Variants in LMTK3 observed in about 807,000 individuals in gnomAD.
LMTK3 encodes the protein lemur tail kinase 3, also known as serine/threonine-protein kinase LMTK3.
A neutral mutation model predicts 116.7 loss-of-function variants in LMTK3; 27 were observed. That is an observed-to-expected ratio of 0.23 (90% CI 0.17 to 0.32). The LOEUF is 0.32. LMTK3 is among the 10% of genes least tolerant of loss of function. The pLI, the probability that LMTK3 is intolerant of heterozygous loss-of-function variation, is 1.00. For missense variants in LMTK3, 1,764 were observed against 2,068.5 expected (o/e 0.85, Z 2.86); for synonymous variants, 965 against 971.0 (o/e 0.99, Z 0.11).
At position 48,500,004 on chromosome 19, in the gene LMTK3, G is replaced by A; in HGVS notation, c.1152-87C>T. 7.5e-7 allele frequency: 1 copy of A among 1,334,924 alleles called. No individual in the cohort carries two copies. The highest frequency in any genetic ancestry group is 1.0e-6 in the Non-Finnish European group (1 of 990,826). 82.7% of individuals were successfully genotyped at this position (1,334,924 alleles called of 1,614,324 possible). Reference sequence around the variant, plus strand: ...GAGGGGACAGACAACCAGAGAGAGGGGGACAGAGACCCAGAGGGTAACAGA... The same window carrying A: ...GAGGGGACAGACAACCAGAGAGAGGAGGACAGAGACCCAGAGGGTAACAGA... On this transcript the variant is annotated intron_variant, in intron 10 of 14. Transcript: ENST00000600059. The surrounding 1 kb of genome is among the most constrained non-coding windows in gnomAD (Gnocchi z 4.0).
In LMTK3 at chr19:48,497,367, C is replaced by CT; in HGVS notation, c.3676+25dup. 1 of 1,451,750 alleles carries CT rather than the reference C, an allele frequency of 6.9e-7. No individual in the cohort carries two copies. The highest frequency in any genetic ancestry group is 1.8e-4 in the Middle Eastern group (1 of 5,414). 89.9% of individuals were successfully genotyped at this position (1,451,750 alleles called of 1,614,324 possible). Reference sequence around the variant, plus strand: ...CCTCGGAAACAGCCGGACCTCAGCCCTGACTGTGCCCCGCAGCCTCCTCAC... The same window carrying CT: ...CCTCGGAAACAGCCGGACCTCAGCCCTTGACTGTGCCCCGCAGCCTCCTCAC... On this transcript the variant is annotated intron_variant, in intron 11 of 14. Transcript: ENST00000600059. This position sits in a 1 kb window ranked among gnomAD's most constrained non-coding sequence, Gnocchi z 5.7.
At chr19:48,506,293 T>C (rs928774889) in intron 5 of LMTK3, among the ~76,000 whole-genome samples, 1 of 151,130 alleles carries the variant, frequency 6.6e-6, no homozygotes, top group Non-Finnish European at 1.5e-5. Context: ...ATCTATTGTG[T>C]GTCTTCTCCA....
chr19:48,499,604 C>T lies in LMTK3; in HGVS notation c.1465G>A (p.Gly489Ser), dbSNP rs1972422311. Residue 489 changes from glycine (G) to serine (S), a missense_variant, in exon 11 of 15, where the codon GGC becomes AGC. Transcript: ENST00000600059. The part of the protein sequence containing the change: ...CLWEKARRGA[G>S]RGGGAPAWQP... ...CAGGCAGGTGCCCCCCCACCCCGGC[C>T]GGCCCCACGCCGGGCCTTCTCCCAC... 3.9e-6 allele frequency: 6 copies of T among 1,538,890 alleles called. No individual in the cohort carries two copies. The highest frequency in any genetic ancestry group is 2.4e-5 in the South Asian group (2 of 83,518).
rs1271929277 is a variant in LMTK3, at chr19:48,498,530, G to A, written c.2539C>T (p.Pro847Ser). The change falls in exon 11 of 15, where the codon CCC (proline) becomes TCC (serine). Residue 847 changes from proline to serine, a missense_variant. Transcript: ENST00000600059. ...PDPGPLPLPGPREKPTFVVQV... is the reference protein window; with the variant it reads ...PDPGPLPLPGSREKPTFVVQV... ...ACCACGAAGGTCGGCTTCTCCCGGG[G>A]CCCCGGGAGTGGGAGCGGACCCGGG... The A allele has an allele frequency of 1.9e-6, 3 of 1,572,886 alleles. No individual in the cohort carries two copies. The highest frequency in any genetic ancestry group is 1.4e-5 in the African/African-American group (1 of 73,638).
rs1442632868 is a variant in LMTK3, at chr19:48,499,351, G to A, written c.1718C>T (p.Pro573Leu). ...GVPAPQAPQA[P>L]SEVPQLVSET... Reference sequence around the variant, plus strand: ...GGACACCAGCTGGGGGACCTCGGAGGGGGCCTGGGGGGCCTGAGGGGCGGG... The same window carrying A: ...GGACACCAGCTGGGGGACCTCGGAGAGGGCCTGGGGGGCCTGAGGGGCGGG... Residue 573 changes from proline (P) to leucine (L), a missense_variant, in exon 11 of 15, where the codon CCC becomes CTC. Coordinates refer to ENST00000600059, the MANE Select transcript of LMTK3 (RefSeq NM_001388485.1). 4 of 1,419,138 alleles carry A rather than the reference G, an allele frequency of 2.8e-6. No individual in the cohort carries two copies. In the African/African-American group the frequency reaches 5.9e-5, roughly 21 times the overall value. The allele number at this position is 1,419,138 out of a possible 1,614,324, so 87.9% of individuals were successfully genotyped here. A position where few individuals can be genotyped will look rare whatever the true frequency, so the allele number is the denominator to read the frequency against.
Position 48,497,759 on chromosome 19 carries a change from C to T in LMTK3, c.3310G>A (p.Ala1104Thr). 7.3e-7 allele frequency: 1 copy of T among 1,369,682 alleles called. No homozygotes were observed. Among genetic ancestry groups the T allele is most frequent in the South Asian group, 1.8e-5 (1 of 55,584 alleles). The allele number at this position is 1,369,682 out of a possible 1,614,324, so 84.8% of individuals were successfully genotyped here. A position where few individuals can be genotyped will look rare whatever the true frequency, so the allele number is the denominator to read the frequency against. ...CCACTCCCGAGGTCCAGCCTCCCAG[C>T]CCCTGGGGCTCTCGGCGCCCCCCCA... ...ETGGAPRAPG[A>T]GRLDLGSGGR... is the part of the protein sequence containing the mutation. Residue 1104 changes from alanine to threonine, a missense_variant, in exon 11 of 15, where the codon GCT (alanine) becomes ACT (threonine). Around this residue, in one of 7 missense-constraint regions of LMTK3, gnomAD observed 1,028 missense variants for 1,050.6 expected, o/e 0.98. Transcript: ENST00000600059. This position sits in a 1 kb window ranked among gnomAD's most constrained non-coding sequence, Gnocchi z 5.7.
upstream of LMTK3, chr19:48,513,370 C>G (rs1191644225): frequency 1.1e-5 from 7 of 613,444 alleles, no homozygotes; most frequent in African/African-American, 1.8e-5. The surrounding 1 kb of genome is among the most constrained non-coding windows in gnomAD (Gnocchi z 5.6). Context: ...TGAGGCACAG[C>G]GCGGGGTAGT....
chr19:48,506,946 G>A (rs991329570), intron 5 of LMTK3, among the ~76,000 whole-genome samples: 2 of 152,138 alleles, frequency 1.3e-5, no homozygotes, highest in East Asian at 1.9e-4. Flanking sequence ...TTACTGGTGT[G>A]AGCCACCGTG....
At chr19:48,490,996 G>T in intron 14 of LMTK3, 112 bp downstream of exon 14, 1 of 688,880 alleles carries the variant, frequency 1.5e-6, no homozygotes, top group Non-Finnish European at 2.1e-6. Flanking sequence ...GGAGAGAGAA[G>T]AGACTGGGAA....
rs1972283073 is a variant in LMTK3, at chr19:48,494,179, T to G, written c.3677-70A>C. The G allele has an allele frequency of 1.0e-6, 1 of 968,168 alleles. No homozygotes were observed. Among genetic ancestry groups the G allele is most frequent in the Non-Finnish European group, 1.3e-6 (1 of 781,418 alleles). The allele number at this position is 968,168 out of a possible 1,614,324, so 60.0% of individuals were successfully genotyped here. ...AGGCAGGCCCTCCCACCTAGCTGTG[T>G]GGCCTCAGATAAGACCCCCGCACAA... On this transcript the variant is annotated intron_variant, in intron 11 of 14. Coordinates refer to ENST00000600059, the MANE Select transcript of LMTK3 (RefSeq NM_001388485.1). The surrounding 1 kb of genome is among the most constrained non-coding windows in gnomAD (Gnocchi z 4.0).
chr19:48,513,307 C>T (rs904242219), upstream of LMTK3: 9 of 761,488 alleles, frequency 1.2e-5, no homozygotes, highest in Admixed American at 1.6e-4. The surrounding 1 kb of genome is among the most constrained non-coding windows in gnomAD (Gnocchi z 5.6). Flanking sequence ...TCCTCACAAC[C>T]GCCCTCTGAG....
At chr19:48,511,372 G>T (rs1320401) in intron 1 of LMTK3, 129 bp downstream of exon 1, 10,957 of 425,150 alleles carry the variant, frequency 0.026, 204 homozygotes, top group Middle Eastern at 0.085. Flanking sequence ...GCCGCTCCGG[G>T]CCCTGCTGGG....
In LMTK3 at chr19:48,492,529, G is replaced by A. The variant is rs572255158; in HGVS notation, c.4093-990C>T. Among the ~76,000 whole-genome samples the A allele has an allele frequency of 1.1e-4, 17 of 152,118 alleles. No individual in the cohort carries two copies. In the East Asian group the frequency reaches 3.1e-3, roughly 28 times the overall value. The stretch of plus-strand genomic sequence containing the variant: ...CCTCAACCCATCTCTCTAAAGACCC[G>A]TCCCAGTCGTTAGGTTCGCTCATCC... On this transcript the variant is annotated intron_variant, in intron 12 of 14. Coordinates refer to ENST00000600059, the MANE Select transcript of LMTK3 (RefSeq NM_001388485.1).
intron 14 of LMTK3, among the ~76,000 whole-genome samples, chr19:48,486,059 T>C (rs1444852092): frequency 8.0e-6 from 1 of 125,104 alleles, no homozygotes; most frequent in African/African-American, 3.3e-5. Flanking sequence ...TTTTTTTTTT[T>C]TTTTTTTTTT....
rs1179893201 is a variant in LMTK3, at chr19:48,494,717, T to C, written c.3677-608A>G. Reference sequence around the variant, plus strand: ...ATTACTGCATAAGTGAACTGCCCTTTCTGAGCTGATGGCAGGGGCAAGAGG... The same window carrying C: ...ATTACTGCATAAGTGAACTGCCCTTCCTGAGCTGATGGCAGGGGCAAGAGG... On this transcript the variant is annotated intron_variant, in intron 11 of 14. Coordinates refer to ENST00000600059, the MANE Select transcript of LMTK3 (RefSeq NM_001388485.1). The surrounding 1 kb of genome is among the most constrained non-coding windows in gnomAD (Gnocchi z 4.0). Among the ~76,000 whole-genome samples, 1 of 152,162 alleles carries C rather than the reference T, an allele frequency of 6.6e-6. No homozygotes were observed. The highest frequency in any genetic ancestry group is 1.5e-5 in the Non-Finnish European group (1 of 68,020).
At chr19:48,511,370 G>A (rs1447994807) in intron 1 of LMTK3, 131 bp downstream of exon 1, 4 of 199,288 alleles carry the variant, frequency 2.0e-5, no homozygotes, top group East Asian at 2.7e-4. Flanking sequence ...CCGCCGCTCC[G>A]GGCCCTGCTG....
rs1972452283 is a variant in LMTK3 at position 48,500,880 on chromosome 19, CTT to C, written c.1151+114_1151+115del. ...AGGGTGGGGACAGCCCCTCTTCACT[CTT>C]GAGGGGTATGGAGGGCAAACGGGAT... On this transcript the variant is annotated intron_variant, in intron 10 of 14. Coordinates refer to ENST00000600059, the MANE Select transcript of LMTK3 (RefSeq NM_001388485.1). The surrounding 1 kb of genome is among the most constrained non-coding windows in gnomAD (Gnocchi z 4.0). The C allele has an allele frequency of 9.5e-7, 1 of 1,054,046 alleles. No homozygotes were observed. The highest frequency in any genetic ancestry group is 1.3e-6 in the Non-Finnish European group (1 of 752,902). 65.3% of individuals were successfully genotyped at this position (1,054,046 alleles called of 1,614,324 possible). A position where few individuals can be genotyped will look rare whatever the true frequency, so the allele number is the denominator to read the frequency against.
chr19:48,485,826 C>CT lies in LMTK3; in HGVS notation c.4367-38dup, dbSNP rs753536774. On this transcript the variant is annotated intron_variant, in intron 14 of 14. Transcript: ENST00000600059. ...CAGAGGAGACAGAGAAATGAAATTA[C>CT]TAGGGGGACAGCCTCATGGCTTCTA... 6.9e-6 allele frequency: 11 copies of CT among 1,594,838 alleles called. No homozygotes were observed. The South Asian group carries it at 1.2e-4, about 18-fold the overall frequency.
chr19:48,502,301 A>AC, intron 7 of LMTK3, 132 bp downstream of exon 7: 1 of 1,075,798 alleles, frequency 9.3e-7, no homozygotes. Flanking sequence ...TCTCCTCCAT[A>AC]CCCTCCTCGG....
Sources: gnomAD v4.1 joint callset for allele counts (sites outside exome capture counted in the v4.1 genomes callset) on GRCh38, gnomAD v4.1.1 for gene constraint, gnomAD v4.1.1 regional missense constraint, Gnocchi (gnomAD v3.1) non-coding constraint, MANE v1.5 for transcripts, NCBI Gene and HGNC (gene_info 2026-07-23, HGNC 2026-07-21) for gene names.